The following SAR1B variants were observed in gnomAD, a reference collection of about 807,000 sequenced individuals.
The protein encoded by SAR1B is secretion associated Ras related GTPase 1B, also known as small COPII coat GTPase SAR1B.
In SAR1B, 23 loss-of-function variants were observed where a neutral mutation model predicts 26.8. The observed-to-expected ratio is 0.86, with a 90% CI of 0.62 to 1.22. The LOEUF is 1.22. SAR1B is among the 50% of genes most tolerant of loss of function. SAR1B has a pLI of 0.00. For synonymous variants in SAR1B, 65 were observed against 80.8 expected (o/e 0.80, Z 1.05); for missense variants, 196 against 232.8 (o/e 0.84, Z 1.03).
rs1765076645 is a variant in SAR1B at position 134,603,519 on chromosome 5, G to C, written c.*3431C>G. 1 of 152,220 alleles carries C rather than the reference G, an allele frequency of 6.6e-6. No individual in the cohort carries two copies. Among genetic ancestry groups the C allele is most frequent in the African/African-American group, 2.4e-5 (1 of 41,440 alleles). 9.4% of individuals were successfully genotyped at this position (152,220 alleles called of 1,614,324 possible). On this transcript the variant is annotated 3_prime_UTR_variant, in exon 7 of 7. Coordinates refer to ENST00000402673, the MANE Select transcript of SAR1B (RefSeq NM_016103.4). Reference sequence around the variant, plus strand: ...ATAAAGTATGGGCCAGTTGAAAATTGGCCGGGCATGGCGGCTCACGCCTGT... The same window carrying C: ...ATAAAGTATGGGCCAGTTGAAAATTCGCCGGGCATGGCGGCTCACGCCTGT...
At chr5:134,625,331 A>G (rs1045826573) in intron 1 of SAR1B, among the ~76,000 whole-genome samples, 2 of 152,174 alleles carry the variant, frequency 1.3e-5, no homozygotes, top group African/African-American at 4.8e-5. Flanking sequence ...GCAGTGCTCA[A>G]CATGGAGTGA....
At position 134,624,768 on chromosome 5, in the gene SAR1B, C is replaced by T. The variant is rs1302786897; in HGVS notation, c.-18-731G>A. ...TCAGCCTCTCGAGTAGCTGGGATTA[C>T]AGGCAGGCACTGCCATGCCTGACTA... On this transcript the variant is annotated intron_variant, in intron 1 of 6. Transcript: ENST00000402673. 2.0e-5 allele frequency among the ~76,000 whole-genome samples: 3 copies of T among 151,918 alleles called. No individual in the cohort carries two copies. In the East Asian group the frequency reaches 5.8e-4, roughly 30 times the overall value.
rs35668627 is a variant in SAR1B at position 134,626,298 on chromosome 5, C to CAAAA, written c.-18-2265_-18-2262dup. On this transcript the variant is annotated intron_variant, in intron 1 of 6. Transcript: ENST00000402673. ...TGGGCCACAGAGCAAGACTCTGCCT[C>CAAAA]AAAAAAAAAAAAAAAAAAAAAAAAA... 4.4e-3 allele frequency among the ~76,000 whole-genome samples: 233 copies of CAAAA among 53,108 alleles called. 13 individuals carry two copies. The highest frequency in any genetic ancestry group is 0.011 in the African/African-American group (186 of 16,300). The allele number at this position is 53,108 out of a possible 152,430, so 34.8% of individuals were successfully genotyped here.
intron 1 of SAR1B, among the ~76,000 whole-genome samples, chr5:134,627,347 C>T (rs1212525422): frequency 1.3e-5 from 2 of 151,266 alleles, no homozygotes; most frequent in Non-Finnish European, 3.0e-5. Context: ...CACCGCGCCC[C>T]GCCACTTTTT....
chr5:134,612,641 TAAAAAAAAAAAAAAAAAAAAAAAAAAAAA>T lies in SAR1B; in HGVS notation c.244+21_244+49del, dbSNP rs34365859. The T allele has an allele frequency of 9.1e-6, 7 of 767,834 alleles. 1 individual carries two copies. Among genetic ancestry groups the T allele is most frequent in the African/African-American group, 9.0e-5 (2 of 22,116 alleles). 47.6% of individuals were successfully genotyped at this position (767,834 alleles called of 1,614,324 possible). A position where few individuals can be genotyped will look rare whatever the true frequency, so the allele number is the denominator to read the frequency against. On this transcript the variant is annotated intron_variant, in intron 4 of 6. Coordinates refer to ENST00000402673, the MANE Select transcript of SAR1B (RefSeq NM_016103.4). ...GCCTGGGAGACAGAGTGAGCCTGTC[TAAAAAAAAAAAAAAAAAAAAAAAAAAAAA>T]AAAAAAAAAAAGAATCTTACCTTGA... is the stretch of plus-strand genomic sequence containing the variant.
intron 2 of SAR1B, among the ~76,000 whole-genome samples, chr5:134,621,676 A>T (rs1765410959): frequency 6.6e-6 from 1 of 152,304 alleles, no homozygotes; most frequent in African/African-American, 2.4e-5. Context: ...AATAGAAAAA[A>T]GGCAGCATTG....
intron 3 of SAR1B, among the ~76,000 whole-genome samples, chr5:134,616,159 G>A (rs1765313267): frequency 6.7e-6 from 1 of 148,184 alleles, no homozygotes; most frequent in South Asian, 2.2e-4. Context: ...AAAGGGCAGG[G>A]CACACGGTGG....
At chr5:134,609,040 C>T (rs2150049915) in intron 5 of SAR1B, 1 of 455,770 alleles carries the variant, frequency 2.2e-6, no homozygotes, top group Non-Finnish European at 4.4e-6. Context: ...GTATGATCAA[C>T]CTTCAATCAA....
Position 134,612,679 on chromosome 5 carries a change from A to AT in SAR1B, c.244+11_244+12insA. ...AAAAAAAAAAAAAAAAAAAAAAAAA[A>AT]AAGAATCTTACCTTGAACATGTCCA... On this transcript the variant is annotated intron_variant, in intron 4 of 6. Transcript: ENST00000402673. 6 of 991,760 alleles carry AT rather than the reference A, an allele frequency of 6.0e-6. No individual in the cohort carries two copies. The highest frequency in any genetic ancestry group is 8.4e-6 in the Non-Finnish European group (6 of 712,496). The allele number at this position is 991,760 out of a possible 1,614,324, so 61.4% of individuals were successfully genotyped here.
Position 134,612,669 on chromosome 5 carries a change from AAAAAAAAAAAAAGAAT to A in SAR1B, c.244+6_244+21del. ...AAAAAAAAAAAAAAAAAAAAAAAAA[AAAAAAAAAAAAAGAAT>A]CTTACCTTGAACATGTCCACCCAGA... On this transcript the variant is annotated splice_donor_region_variant and intron_variant, in intron 4 of 6. Transcript: ENST00000402673. The A allele has an allele frequency of 2.3e-6, 3 of 1,303,938 alleles. No individual in the cohort carries two copies. The highest frequency in any genetic ancestry group is 2.0e-6 in the Non-Finnish European group (2 of 983,292). The allele number at this position is 1,303,938 out of a possible 1,614,324, so 80.8% of individuals were successfully genotyped here.
chr5:134,610,247 G>C (rs1016854810), intron 4 of SAR1B, among the ~76,000 whole-genome samples: 5 of 151,894 alleles, frequency 3.3e-5, no homozygotes, highest in African/African-American at 1.2e-4. Flanking sequence ...CAGGTGGATT[G>C]CTTGAGCTCA....
intron 3 of SAR1B, chr5:134,614,728 C>T (rs1297802087): frequency 6.6e-6 from 1 of 152,208 alleles, no homozygotes; most frequent in African/African-American, 2.4e-5. Flanking sequence ...TTGGCCTTTC[C>T]AAATTCTGGT....
At position 134,612,774 on chromosome 5, in the gene SAR1B, A is replaced by G. The variant is rs370887119; in HGVS notation, c.179-18T>C. The G allele has an allele frequency of 2.5e-6, 4 of 1,576,630 alleles. No individual in the cohort carries two copies. The highest frequency in any genetic ancestry group is 2.7e-5 in the African/African-American group (2 of 72,854). On this transcript the variant is annotated intron_variant, in intron 3 of 6. Coordinates refer to ENST00000402673, the MANE Select transcript of SAR1B (RefSeq NM_016103.4). The stretch of plus-strand genomic sequence containing the variant: ...TTCGGAAGCTAAATAAGATTTTAAA[A>G]TATTTTTACATGAAAATTAGAAACC...
intron 3 of SAR1B, among the ~76,000 whole-genome samples, chr5:134,615,874 T>G (rs1286220720): frequency 6.9e-6 from 1 of 144,434 alleles, no homozygotes; most frequent in Non-Finnish European, 1.5e-5. Context: ...CAGTGGCTCA[T>G]GCCTCTAATC....
At chr5:134,617,926 A>G (rs914922529) in intron 3 of SAR1B, among the ~76,000 whole-genome samples, 1 of 152,064 alleles carries the variant, frequency 6.6e-6, no homozygotes, top group African/African-American at 2.4e-5. Flanking sequence ...AGACAATTTT[A>G]TCTACTCAAT....
chr5:134,612,359 G>A (rs188866473), intron 4 of SAR1B, among the ~76,000 whole-genome samples: 54 of 152,166 alleles, frequency 3.5e-4, no homozygotes, highest in African/African-American at 1.7e-4. Context: ...CTGGCCTTGC[G>A]TGACTAGAAT....
At chr5:134,620,626 TGA>T (rs1409330543) in intron 3 of SAR1B, among the ~76,000 whole-genome samples, 2 of 152,234 alleles carry the variant, frequency 1.3e-5, no homozygotes, top group East Asian at 3.9e-4. Flanking sequence ...TTTCGGAGGC[TGA>T]GAGAGGCTGA....
Position 134,603,161 on chromosome 5 carries a change from G to A in SAR1B, c.*3789C>T, listed in dbSNP as rs895955780. ...ATTAAATGAACAGAAGGAATTTTGAGAGATTTCCCCTTATGTAGCTATTCT... is the reference window on the plus strand; with the variant it reads ...ATTAAATGAACAGAAGGAATTTTGAAAGATTTCCCCTTATGTAGCTATTCT... On this transcript the variant is annotated 3_prime_UTR_variant, in exon 7 of 7. Coordinates refer to ENST00000402673, the MANE Select transcript of SAR1B (RefSeq NM_016103.4). 1.3e-5 allele frequency: 2 copies of A among 152,156 alleles called. No individual in the cohort carries two copies. Among genetic ancestry groups the A allele is most frequent in the African/African-American group, 4.8e-5 (2 of 41,432 alleles). The allele number at this position is 152,156 out of a possible 1,614,324, so 9.4% of individuals were successfully genotyped here. A position where few individuals can be genotyped will look rare whatever the true frequency, so the allele number is the denominator to read the frequency against.
Position 134,612,116 on chromosome 5 carries a change from G to A in SAR1B, c.244+575C>T, listed in dbSNP as rs571637923. Among the ~76,000 whole-genome samples the A allele has an allele frequency of 2.6e-5, 4 of 152,230 alleles. No homozygotes were observed. In the East Asian group the frequency reaches 7.7e-4, roughly 29 times the overall value. On this transcript the variant is annotated intron_variant, in intron 4 of 6. Transcript: ENST00000402673. Reference sequence around the variant, plus strand: ...TGTAAGTAATGAGTTAGCCACTGAAGGTTTTTTTGTTTTGTTTTGTTTTGT... The same window carrying A: ...TGTAAGTAATGAGTTAGCCACTGAAAGTTTTTTTGTTTTGTTTTGTTTTGT...
Sources: gnomAD v4.1 joint callset for allele counts (sites outside exome capture counted in the v4.1 genomes callset) on GRCh38, gnomAD v4.1.1 for gene constraint, MANE v1.5 for transcripts, NCBI Gene and HGNC (gene_info 2026-07-23, HGNC 2026-07-21) for gene names.